Variants in LRGUK observed in about 807,000 individuals in gnomAD.
LRGUK encodes the protein leucine-rich repeat and guanylate kinase domain-containing protein.
Under a neutral mutation model 76.0 loss-of-function variants are expected in LRGUK, and 65 were observed. The observed-to-expected ratio is 0.85, with a 90% CI of 0.70 to 1.05. The LOEUF (loss-of-function observed/expected upper bound fraction) is 1.05, where lower values mean the gene tolerates loss of function less well. Among genes scored for constraint, LRGUK ranks in the 50% least tolerant of loss-of-function variants. The probability of loss-of-function intolerance (pLI) is 0.00; values close to 1 mark genes in which losing one functional copy is unlikely to be tolerated. For missense variants in LRGUK, 758 were observed against 732.8 expected, an observed-to-expected ratio of 1.03 and a Z score of -0.40; for synonymous variants, 268 against 265.6, an observed-to-expected ratio of 1.01 and a Z score of -0.09.
chr7:134,135,391 T>C (rs77073720), intron 1 of LRGUK, among the ~76,000 whole-genome samples: 2,854 of 152,300 alleles, frequency 0.019, 93 homozygotes, highest in African/African-American at 0.06. Flanking sequence ...GAGTTTCTTT[T>C]GGAGGATCTG....
In LRGUK at chr7:134,174,443, C is replaced by A. The variant is rs115481444; in HGVS notation, c.940-113C>A. The A allele has an allele frequency of 1.2e-3, 834 of 676,714 alleles. 5 individuals are homozygous for A. The African/African-American group carries it at 0.014, about 11-fold the overall frequency. 41.9% of individuals were successfully genotyped at this position (676,714 alleles called of 1,614,324 possible). On this transcript the variant is annotated intron_variant, in intron 7 of 15. Coordinates refer to ENST00000645682, the Ensembl canonical transcript of LRGUK. ...ATTCTCATTAAAAAGCTAGACAGAG[C>A]AATTTTTAAAATAAGTTGAATTTAA...
chr7:134,231,093 T>C (rs1801877794), intron 16 of LRGUK, among the ~76,000 whole-genome samples: 1 of 152,122 alleles, frequency 6.6e-6, no homozygotes, highest in African/African-American at 2.4e-5. Flanking sequence ...ATCTGTAAGG[T>C]GAGGATCCAA....
chr7:134,229,936 C>T (rs564617225), intron 16 of LRGUK, among the ~76,000 whole-genome samples: 44 of 151,774 alleles, frequency 2.9e-4, no homozygotes, highest in Non-Finnish European at 5.6e-4. Flanking sequence ...AATAATAGTT[C>T]AAAAAATAAT....
intron 17 of LRGUK, 49 bp from the exon 18 acceptor site, chr7:134,248,902 C>G: frequency 7.4e-7 from 1 of 1,358,174 alleles, no homozygotes; most frequent in Non-Finnish European, 9.6e-7. Flanking sequence ...CACTTGGTAT[C>G]TTTACAAAAT....
chr7:134,185,269 G>GT (rs1286560336), intron 11 of LRGUK, among the ~76,000 whole-genome samples: 2 of 152,126 alleles, frequency 1.3e-5, no homozygotes, highest in African/African-American at 4.8e-5. Context: ...AGTTTAAAGA[G>GT]TTTTTTAGAG....
downstream of LRGUK, among the ~76,000 whole-genome samples, chr7:134,269,350 CTT>C (rs71172445): frequency 1.8e-4 from 22 of 123,836 alleles, no homozygotes; most frequent in Admixed American, 4.3e-4. Context: ...GATTTCAATT[CTT>C]TTTTTTTTTT....
chr7:134,157,254 T>C (rs956012943), intron 5 of LRGUK, among the ~76,000 whole-genome samples: 2 of 152,210 alleles, frequency 1.3e-5, no homozygotes, highest in African/African-American at 2.4e-5. Context: ...TTCCTTTCTC[T>C]AACAGGGTAT....
At chr7:134,252,351 A>AT (rs1802469051) in intron 18 of LRGUK, among the ~76,000 whole-genome samples, 3 of 138,738 alleles carry the variant, frequency 2.2e-5, no homozygotes, top group Admixed American at 6.8e-5. Flanking sequence ...ATTAAATTAA[A>AT]TTAAATTAAA....
chr7:134,136,592 C>T (rs138647932), intron 1 of LRGUK, among the ~76,000 whole-genome samples: 1 of 152,266 alleles, frequency 6.6e-6, no homozygotes, highest in East Asian at 1.9e-4. Flanking sequence ...GGCAAGTTAA[C>T]CTCCAAACGT....
intron 6 of LRGUK, among the ~76,000 whole-genome samples, chr7:134,160,762 G>A (rs58618503): frequency 0.13 from 20,009 of 152,086 alleles, 1,646 homozygotes; most frequent in East Asian, 0.32. Flanking sequence ...TTCCAAAATT[G>A]GTTGGTTGAG....
intron 1 of LRGUK, among the ~76,000 whole-genome samples, chr7:134,133,700 GTA>G (rs113417229): frequency 0.14 from 20,522 of 151,998 alleles, 1,698 homozygotes; most frequent in East Asian, 0.32. Context: ...ATTCTGATTT[GTA>G]TATGGATGGG....
At position 134,262,703 on chromosome 7, in the gene LRGUK, C is replaced by T. The variant is rs571465667; in HGVS notation, c.2348-1142C>T. Among the ~76,000 whole-genome samples the T allele has an allele frequency of 2.0e-5, 3 of 152,232 alleles. No individual in the cohort carries two copies. In the South Asian group the frequency reaches 6.2e-4, roughly 31 times the overall value. ...CAAGGAAGGGCCAGACTCAGTGGCT[C>T]ATGCCTGTAATCCCAGCACTTTGGG... On this transcript the variant is annotated intron_variant, in intron 19 of 19. Transcript: ENST00000285928.
intron 16 of LRGUK, among the ~76,000 whole-genome samples, chr7:134,242,727 A>G (rs1802194647): frequency 6.6e-6 from 1 of 152,212 alleles, no homozygotes; most frequent in Non-Finnish European, 1.5e-5. Context: ...TCCTGATACT[A>G]AAGCCTGGCA....
At chr7:134,174,622 G>A (rs762647539) in exon 8 of LRGUK, 1 of 1,593,284 alleles carries the variant, frequency 6.3e-7, no homozygotes, top group South Asian at 1.1e-5. Context: ...CAATCTTCTA[G>A]AAAATCCAAT....
chr7:134,143,232 A>G, intron 4 of LRGUK, 70 bp downstream of exon 4: 1 of 839,338 alleles, frequency 1.2e-6, no homozygotes, highest in East Asian at 2.4e-5. Context: ...GCAAAATAGC[A>G]CTCAAATAGA....
chr7:134,157,564 C>G (rs542697111), intron 5 of LRGUK, among the ~76,000 whole-genome samples: 1 of 152,236 alleles, frequency 6.6e-6, no homozygotes, highest in African/African-American at 2.4e-5. Flanking sequence ...GCTCTGTCGC[C>G]CAGGCTGGAG....
chr7:134,141,238 C>G (rs1289263590), intron 3 of LRGUK, among the ~76,000 whole-genome samples: 1 of 152,202 alleles, frequency 6.6e-6, no homozygotes, highest in East Asian at 1.9e-4. Context: ...GACAGTCTCA[C>G]TGGTCTCCTG....
intron 19 of LRGUK, among the ~76,000 whole-genome samples, chr7:134,260,634 A>G (rs1461142066): frequency 6.6e-6 from 1 of 151,884 alleles, no homozygotes; most frequent in African/African-American, 2.4e-5. Context: ...CCCAGTAGAC[A>G]CAGTTGCTTT....
intron 11 of LRGUK, among the ~76,000 whole-genome samples, chr7:134,188,909 G>GA (rs1043781420): frequency 7.3e-5 from 11 of 151,270 alleles, no homozygotes; most frequent in South Asian, 2.1e-4. Flanking sequence ...GAATGACACA[G>GA]AAAAAAAAAT....
Sources: allele counts gnomAD v4.1 joint callset (sites outside exome capture counted in the v4.1 genomes callset), GRCh38; gene constraint gnomAD v4.1.1; transcripts MANE v1.5; gene names NCBI Gene and HGNC (gene_info 2026-07-23, HGNC 2026-07-21).